Variants in SOX6 observed in about 807,000 individuals in gnomAD.
SOX6 encodes the protein transcription factor SOX-6.
SOX6 carries 11 observed loss-of-function variants against 97.8 expected under a neutral mutation model. That is an observed-to-expected ratio of 0.11 (90% CI 0.07 to 0.19). The LOEUF (loss-of-function observed/expected upper bound fraction) is 0.19, where lower values mean the gene tolerates loss of function less well. SOX6 is among the 10% of genes least tolerant of loss of function. The pLI, the probability that SOX6 is intolerant of heterozygous loss-of-function variation, is 1.00. For missense variants in SOX6, 810 were observed against 1,039.5 expected (o/e 0.78, Z 3.04); for synonymous variants, 360 against 371.4 (o/e 0.97, Z 0.35).
chr11:16,273,844 G>A (rs1837099), intron 3 of SOX6, among the ~76,000 whole-genome samples: 118,813 of 151,850 alleles, frequency 0.78, 46,608 homozygotes, highest in Non-Finnish European at 0.8. Flanking sequence ...AAGAAAAAGT[G>A]AAAAAAAGTC....
chr11:16,400,512 A>T (rs544319327), intron 1 of SOX6, among the ~76,000 whole-genome samples: 1 of 151,656 alleles, frequency 6.6e-6, no homozygotes, highest in African/African-American at 2.4e-5. Context: ...TAAGTCACTG[A>T]TGTAATGGTA....
intron 1 of SOX6, among the ~76,000 whole-genome samples, chr11:16,410,395 T>C (rs1858780155): frequency 1.3e-5 from 2 of 152,208 alleles, no homozygotes; most frequent in South Asian, 4.1e-4. Context: ...TAACATTAAG[T>C]AAGAAACAAA....
At chr11:15,976,721 T>C (rs1357240345) in intron 15 of SOX6, among the ~76,000 whole-genome samples, 3 of 152,194 alleles carry the variant, frequency 2.0e-5, no homozygotes, top group Non-Finnish European at 4.4e-5. Context: ...TGACATCTTC[T>C]AAGAAATGTT....
chr11:16,068,023 C>T (rs1026904000), intron 9 of SOX6, among the ~76,000 whole-genome samples: 2 of 152,128 alleles, frequency 1.3e-5, no homozygotes, highest in Non-Finnish European at 2.9e-5. Context: ...AGCCAAGTTA[C>T]CCTGTAACAG....
intron 4 of SOX6, among the ~76,000 whole-genome samples, chr11:16,595,118 A>G (rs1348830547): frequency 3.3e-5 from 5 of 152,136 alleles, no homozygotes; most frequent in African/African-American, 1.2e-4. Context: ...TGTTTTCTAT[A>G]AATTTCACGT....
chr11:16,167,500 C>T (rs1475369591), intron 6 of SOX6, among the ~76,000 whole-genome samples: 1 of 152,138 alleles, frequency 6.6e-6, no homozygotes, highest in Non-Finnish European at 1.5e-5. Flanking sequence ...GTCTCCCATC[C>T]CATTTGAAGA....
intron 4 of SOX6, chr11:16,484,513 A>T: frequency 1.3e-6 from 1 of 799,980 alleles, no homozygotes; most frequent in Non-Finnish European, 2.3e-6. Flanking sequence ...CCTCCACCTC[A>T]TTCTCATTCT....
At chr11:16,652,583 C>T (rs1305913650) in intron 3 of SOX6, among the ~76,000 whole-genome samples, 1 of 152,108 alleles carries the variant, frequency 6.6e-6, no homozygotes, top group Admixed American at 6.6e-5. Flanking sequence ...AAACTGGATC[C>T]TCATCACTCA....
At chr11:16,644,699 A>C (rs1848985164) in intron 3 of SOX6, among the ~76,000 whole-genome samples, 1 of 152,132 alleles carries the variant, frequency 6.6e-6, no homozygotes, top group South Asian at 2.1e-4. Context: ...TTGTCTTGAA[A>C]ACTCCACAGA....
chr11:16,691,803 AAAGG>A (rs1290299853), intron 3 of SOX6, among the ~76,000 whole-genome samples: 4 of 152,284 alleles, frequency 2.6e-5, no homozygotes, highest in African/African-American at 9.6e-5. Context: ...GACTCAAAAG[AAAGG>A]AAGGGAAAAA....
intron 4 of SOX6, among the ~76,000 whole-genome samples, chr11:16,544,220 GGTGA>G (rs1279857928): frequency 6.6e-6 from 1 of 152,064 alleles, no homozygotes; most frequent in Non-Finnish European, 1.5e-5. Context: ...TGGGAGAAAT[GGTGA>G]GTGACTGCTT....
chr11:16,043,696 T>C (rs1855743466), intron 12 of SOX6, among the ~76,000 whole-genome samples: 1 of 152,178 alleles, frequency 6.6e-6, no homozygotes, highest in Admixed American at 6.5e-5. Flanking sequence ...TTACTAAATG[T>C]AACAAGCTAC....
At chr11:16,185,561 G>T (rs1366644459) in intron 5 of SOX6, among the ~76,000 whole-genome samples, 1 of 152,150 alleles carries the variant, frequency 6.6e-6, no homozygotes, top group Non-Finnish European at 1.5e-5. Flanking sequence ...AATTTTATTT[G>T]CCAATAGGTT....
At chr11:16,007,538 G>A (rs1410244791) in intron 13 of SOX6, among the ~76,000 whole-genome samples, 2 of 152,092 alleles carry the variant, frequency 1.3e-5, no homozygotes, top group Non-Finnish European at 2.9e-5. Flanking sequence ...AGAACATGAA[G>A]AAAAGGAAAC....
chr11:16,058,994 T>TAACA (rs1847883085), intron 9 of SOX6, among the ~76,000 whole-genome samples: 1 of 152,104 alleles, frequency 6.6e-6, no homozygotes, highest in South Asian at 2.1e-4. Context: ...TGATACATGA[T>TAACA]GCCTTCAATT....
upstream of SOX6, among the ~76,000 whole-genome samples, chr11:16,479,986 C>T (rs1017877729): frequency 1.3e-5 from 2 of 151,948 alleles, no homozygotes; most frequent in African/African-American, 4.8e-5. Flanking sequence ...GTGCTACATA[C>T]ATATAACACT....
rs188575897 is a variant in SOX6 at position 16,379,237 on chromosome 11, C to T, written c.-4-37985G>A. The stretch of plus-strand genomic sequence containing the variant: ...ATCCCAACACTTTGGGAGGCTGAGA[C>T]GGGTGGATTGCCTGAGGCTGGAAGT... On this transcript the variant is annotated intron_variant, in intron 1 of 15. Coordinates refer to the SOX6 transcript ENST00000396356. Among the ~76,000 whole-genome samples the T allele has an allele frequency of 4.6e-3, 707 of 152,132 alleles. 5 individuals carry two copies. The highest frequency in any genetic ancestry group is 0.016 in the African/African-American group (682 of 41,510).
intron 9 of SOX6, among the ~76,000 whole-genome samples, chr11:16,061,487 C>T (rs534808882): frequency 3.3e-5 from 5 of 151,524 alleles, no homozygotes; most frequent in African/African-American, 1.2e-4. Context: ...TTTAGAGATT[C>T]AATTCAATCT....
chr11:16,057,751 GT>G, intron 9 of SOX6, among the ~76,000 whole-genome samples: 1 of 152,250 alleles, frequency 6.6e-6, no homozygotes. Context: ...TCACTTAGTT[GT>G]AGTTTGACTG....
Sources: allele counts gnomAD v4.1 joint callset (sites outside exome capture counted in the v4.1 genomes callset), GRCh38; gene constraint gnomAD v4.1.1; transcripts MANE v1.5; gene names NCBI Gene and HGNC (gene_info 2026-07-23, HGNC 2026-07-21).